The following PRTG variants were observed in gnomAD, a reference collection of about 807,000 sequenced individuals.
PRTG encodes the protein immunoglobulin superfamily, DCC subclass, member 5.
Under a neutral mutation model 122.5 loss-of-function variants are expected in PRTG, and 67 were observed. The observed-to-expected ratio is 0.55, with a 90% CI of 0.45 to 0.67. The LOEUF (loss-of-function observed/expected upper bound fraction) is 0.67, where lower values mean the gene tolerates loss of function less well. PRTG is among the 30% of genes least tolerant of loss of function. The pLI, the probability that PRTG is intolerant of heterozygous loss-of-function variation, is 0.00. For synonymous variants in PRTG, 554 were observed against 501.1 expected, an observed-to-expected ratio of 1.11 and a Z score of -1.41; for missense variants, 1,435 against 1,415.4, an observed-to-expected ratio of 1.01 and a Z score of -0.22.
At chr15:55,628,116 AAC>A (rs1351654614) in intron 16 of PRTG, among the ~76,000 whole-genome samples, 1 of 151,916 alleles carries the variant, frequency 6.6e-6, no homozygotes, top group Non-Finnish European at 1.5e-5. Flanking sequence ...TTCTCTTTCT[AAC>A]ACACACACAT....
At position 55,701,083 on chromosome 15, in the gene PRTG, C is replaced by A. The variant is rs537509566; in HGVS notation, c.398-17152G>T. Among the ~76,000 whole-genome samples, 40 of 152,264 alleles carry A rather than the reference C, an allele frequency of 2.6e-4. No individual in the cohort carries two copies. In the South Asian group the frequency reaches 3.5e-3, roughly 13 times the overall value. ...AACCACAATGAGATGTCACTACACACCTGTTAGAATGACTCAAATCCAAAA... is the reference window on the plus strand; with the variant it reads ...AACCACAATGAGATGTCACTACACAACTGTTAGAATGACTCAAATCCAAAA... On this transcript the variant is annotated intron_variant, in intron 2 of 19. Coordinates refer to ENST00000389286, the MANE Select transcript of PRTG (RefSeq NM_173814.6).
chr15:55,698,332 C>T (rs1456718671), intron 2 of PRTG, among the ~76,000 whole-genome samples: 1 of 152,120 alleles, frequency 6.6e-6, no homozygotes, highest in Non-Finnish European at 1.5e-5. Flanking sequence ...TCTCTGTCAC[C>T]CAGGCTGGAG....
chr15:55,637,830 A>G (rs2059266412), intron 14 of PRTG, among the ~76,000 whole-genome samples: 1 of 152,158 alleles, frequency 6.6e-6, no homozygotes, highest in African/African-American at 2.4e-5. Flanking sequence ...ATCTAATAAT[A>G]TATCTGTGAA....
chr15:55,644,364 T>G (rs190412022), intron 11 of PRTG, among the ~76,000 whole-genome samples: 15 of 152,304 alleles, frequency 9.8e-5, no homozygotes, highest in African/African-American at 3.6e-4. Context: ...GGTGGAGAGA[T>G]AATCTTTTTT....
chr15:55,691,500 G>A (rs1461357633), intron 2 of PRTG, among the ~76,000 whole-genome samples: 2 of 151,408 alleles, frequency 1.3e-5, no homozygotes, highest in African/African-American at 2.4e-5. Context: ...GACCAACATG[G>A]TGAAACCCTG....
At chr15:55,700,439 C>G (rs2059655612) in intron 2 of PRTG, among the ~76,000 whole-genome samples, 3 of 152,090 alleles carry the variant, frequency 2.0e-5, no homozygotes, top group African/African-American at 7.2e-5. Context: ...TTATAAAAAG[C>G]ACAATCCATA....
intron 16 of PRTG, among the ~76,000 whole-genome samples, chr15:55,627,449 G>A (rs916216249): frequency 6.7e-6 from 1 of 148,466 alleles, no homozygotes; most frequent in East Asian, 2.0e-4. Context: ...TCAGCCTCCC[G>A]AGTAGCTGGG....
rs1240235066 is a variant in PRTG at position 55,717,288 on chromosome 15, A to G, written c.397+23094T>C. Among the ~76,000 whole-genome samples, 3 of 152,218 alleles carry G rather than the reference A, an allele frequency of 2.0e-5. No homozygotes were observed. The East Asian group carries it at 5.8e-4, about 29-fold the overall frequency. On this transcript the variant is annotated intron_variant, in intron 2 of 19. Transcript: ENST00000389286. ...ACAATGAACCATTTCCTACTAAAAT[A>G]TTTCAAAATCTGGGAAAAACAATAT...
chr15:55,675,543 C>A lies in PRTG; in HGVS notation c.1522G>T (p.Val508Leu), dbSNP rs201067183. 93 of 1,611,680 alleles carry A rather than the reference C, an allele frequency of 5.8e-5. 1 individual carries two copies. Among genetic ancestry groups the A allele is most frequent in the South Asian group, 1.1e-4 (10 of 90,898 alleles). Residue 508 changes from valine (V) to leucine (L), a missense_variant, in exon 9 of 20, where the codon GTG becomes TTG. Transcript: ENST00000389286. ...CCATCCTCTAGAGTATTCTGTGTCA[C>A]ATGGTCAGACATCTGGCTGGCTCCC... Reference protein sequence around the residue: ...PMGASQMSDHVTQNTLEDVPL... With the variant: ...PMGASQMSDHLTQNTLEDVPL...
At chr15:55,701,745 C>A (rs2059665063) in intron 2 of PRTG, among the ~76,000 whole-genome samples, 1 of 152,106 alleles carries the variant, frequency 6.6e-6, no homozygotes. Flanking sequence ...TACTACTCAG[C>A]AACAAAAAGC....
At position 55,629,664 on chromosome 15, in the gene PRTG, A is replaced by G. The variant is rs150929410; in HGVS notation, c.2624-660T>C. ...CCCACTCCACTGTGCCAAGCTTTCA[A>G]TGATTATAATTGGATTTTTAAAAAT... is the stretch of plus-strand genomic sequence containing the variant. On this transcript the variant is annotated intron_variant, in intron 15 of 19. Transcript: ENST00000389286. 1.8e-3 allele frequency among the ~76,000 whole-genome samples: 270 copies of G among 152,186 alleles called. 1 individual carries two copies. The highest frequency in any genetic ancestry group is 3.4e-3 in the Middle Eastern group (1 of 294).
At chr15:55,621,508 A>C (rs1361290072) in intron 18 of PRTG, among the ~76,000 whole-genome samples, 2 of 151,950 alleles carry the variant, frequency 1.3e-5, no homozygotes, top group Non-Finnish European at 2.9e-5. Flanking sequence ...ATACAAAAAA[A>C]ATTAGCTGGG....
intron 2 of PRTG, among the ~76,000 whole-genome samples, chr15:55,731,781 T>G (rs1050765981): frequency 6.6e-6 from 1 of 152,230 alleles, no homozygotes; most frequent in Non-Finnish European, 1.5e-5. Flanking sequence ...GAACTGTGTT[T>G]TTTAAAATAC....
intron 11 of PRTG, among the ~76,000 whole-genome samples, chr15:55,666,962 T>C (rs932703946): frequency 2.0e-5 from 3 of 152,214 alleles, no homozygotes; most frequent in African/African-American, 4.8e-5. Flanking sequence ...AAGAAACTTA[T>C]TTGACTGATG....
rs1339415754 is a variant in PRTG at position 55,618,756 on chromosome 15, C to G, written c.*1256G>C. ...TTAAAAAAAATGCCTTGGTAAGATA[C>G]TATACATCAAAATAGTTACTGATAA... is the stretch of plus-strand genomic sequence containing the variant. On this transcript the variant is annotated 3_prime_UTR_variant, in exon 20 of 20. Transcript: ENST00000389286. 2 of 152,118 alleles carry G rather than the reference C, an allele frequency of 1.3e-5. No individual in the cohort carries two copies. Among genetic ancestry groups the G allele is most frequent in the Non-Finnish European group, 2.9e-5 (2 of 68,026 alleles). 9.4% of individuals were successfully genotyped at this position (152,118 alleles called of 1,614,324 possible). A position where few individuals can be genotyped will look rare whatever the true frequency, so the allele number is the denominator to read the frequency against.
At chr15:55,742,764 T>C in intron 1 of PRTG, 74 bp downstream of exon 1, 1 of 1,518,892 alleles carries the variant, frequency 6.6e-7, no homozygotes, top group Non-Finnish European at 8.9e-7. Flanking sequence ...CCCCATCGTT[T>C]CCTCTTTCCC....
chr15:55,688,423 A>G (rs2059582429), intron 2 of PRTG, among the ~76,000 whole-genome samples: 2 of 151,936 alleles, frequency 1.3e-5, no homozygotes, highest in South Asian at 4.1e-4. Flanking sequence ...TTAGTTTTCA[A>G]CCACAGCCAG....
intron 2 of PRTG, among the ~76,000 whole-genome samples, chr15:55,721,888 G>A (rs1183593124): frequency 6.6e-6 from 1 of 152,044 alleles, no homozygotes; most frequent in Non-Finnish European, 1.5e-5. Flanking sequence ...GAATATGATG[G>A]GGGAAACCAC....
chr15:55,638,135 C>T (rs1021707112), intron 14 of PRTG, among the ~76,000 whole-genome samples: 1 of 152,148 alleles, frequency 6.6e-6, no homozygotes, highest in Non-Finnish European at 1.5e-5. Flanking sequence ...AGAATTGGTG[C>T]TCAATCCGAT....
Sources: allele counts gnomAD v4.1 joint callset (sites outside exome capture counted in the v4.1 genomes callset), GRCh38; gene constraint gnomAD v4.1.1; transcripts MANE v1.5; gene names NCBI Gene and HGNC (gene_info 2026-07-23, HGNC 2026-07-21).